NCAM2: variants seen among roughly 807,000 people sequenced by gnomAD.
NCAM2 encodes N-CAM-2.
Under a neutral mutation model 98.1 loss-of-function variants are expected in NCAM2, and 30 were observed. That is an observed-to-expected ratio of 0.31 (90% CI 0.23 to 0.41). The LOEUF is 0.41. NCAM2 is among the 10% of genes least tolerant of loss of function. The pLI is 1.00. For synonymous variants in NCAM2, 368 were observed against 342.4 expected (o/e 1.07, Z -0.83); for missense variants, 867 against 1,005.8 (o/e 0.86, Z 1.87).
At chr21:21,025,092 T>A (rs569646703) in intron 1 of NCAM2, among the ~76,000 whole-genome samples, 1 of 144,968 alleles carries the variant, frequency 6.9e-6, no homozygotes, top group East Asian at 2.0e-4. Flanking sequence ...GACTATAACT[T>A]TTTTTTTTTT....
intron 16 of NCAM2, among the ~76,000 whole-genome samples, chr21:21,519,519 G>A (rs1988896213): frequency 6.6e-6 from 1 of 151,948 alleles, no homozygotes; most frequent in Admixed American, 6.6e-5. Flanking sequence ...TGGTTGTGCA[G>A]ACAACCAGGT....
Position 21,543,288 on chromosome 21 carries a change from T to G in NCAM2, c.*5331T>G, listed in dbSNP as rs1360887585. 1.3e-5 allele frequency: 2 copies of G among 151,946 alleles called. No individual in the cohort carries two copies. The highest frequency in any genetic ancestry group is 2.1e-4 in the South Asian group (1 of 4,826). 9.4% of individuals were successfully genotyped at this position (151,946 alleles called of 1,614,324 possible). The stretch of plus-strand genomic sequence containing the variant: ...TTACAGTATATCAAACTTGTCACAC[T>G]TCACCATTTGTATATTAATAGTAAA... On this transcript the variant is annotated 3_prime_UTR_variant, in exon 18 of 18. Coordinates refer to ENST00000400546, the MANE Select transcript of NCAM2 (RefSeq NM_004540.5).
At chr21:21,380,212 C>T (rs895142327) in intron 9 of NCAM2, among the ~76,000 whole-genome samples, 2 of 152,146 alleles carry the variant, frequency 1.3e-5, no homozygotes, top group Non-Finnish European at 2.9e-5. Context: ...TTAACCATCA[C>T]AGTATTGTTT....
intron 15 of NCAM2, among the ~76,000 whole-genome samples, chr21:21,490,991 G>A (rs747121873): frequency 7.2e-5 from 11 of 151,740 alleles, no homozygotes; most frequent in South Asian, 2.1e-4. Context: ...TGTTATACGT[G>A]TTTTCTTTAT....
chr21:21,017,900 T>A (rs778366830), intron 1 of NCAM2, among the ~76,000 whole-genome samples: 4 of 152,214 alleles, frequency 2.6e-5, no homozygotes, highest in Non-Finnish European at 4.4e-5. Flanking sequence ...CACATACAGA[T>A]ATTACATATA....
At chr21:21,092,741 A>C (rs1233193065) in intron 1 of NCAM2, among the ~76,000 whole-genome samples, 1 of 152,034 alleles carries the variant, frequency 6.6e-6, no homozygotes, top group Non-Finnish European at 1.5e-5. Flanking sequence ...TAAATGTGAT[A>C]CATAATTACA....
In NCAM2 at chr21:21,286,429, C is replaced by T. The variant is rs376261398; in HGVS notation, c.481+17C>T. On this transcript the variant is annotated intron_variant, in intron 4 of 17. Coordinates refer to ENST00000400546, the MANE Select transcript of NCAM2 (RefSeq NM_004540.5). Reference sequence around the variant, plus strand: ...TTTCCGACAGTTAGTATTTTGGTAACTCCCTAAGTTATATGTTCTAATACT... The same window carrying T: ...TTTCCGACAGTTAGTATTTTGGTAATTCCCTAAGTTATATGTTCTAATACT... 5.0e-6 allele frequency: 8 copies of T among 1,609,370 alleles called. No individual in the cohort carries two copies. In the African/African-American group the frequency reaches 1.1e-4, roughly 22 times the overall value.
chr21:21,198,320 G>C (rs2069087379), intron 1 of NCAM2, among the ~76,000 whole-genome samples: 1 of 151,546 alleles, frequency 6.6e-6, no homozygotes, highest in Non-Finnish European at 1.5e-5. Flanking sequence ...GTAAGTATAA[G>C]TTTCTTTTTT....
At chr21:21,014,361 T>A (rs1601092467) in intron 1 of NCAM2, among the ~76,000 whole-genome samples, 1 of 150,738 alleles carries the variant, frequency 6.6e-6, no homozygotes, top group African/African-American at 2.4e-5. Context: ...GAGGCGGAGG[T>A]TGCAGTAGGC....
chr21:21,309,651 C>T (rs1316800427), intron 5 of NCAM2, among the ~76,000 whole-genome samples: 1 of 152,146 alleles, frequency 6.6e-6, no homozygotes. Context: ...TCAGGGAATC[C>T]TCACTTTGCC....
chr21:21,533,713 C>T (rs1195068298), intron 16 of NCAM2, among the ~76,000 whole-genome samples: 1 of 145,250 alleles, frequency 6.9e-6, no homozygotes, highest in Non-Finnish European at 1.5e-5. Context: ...CCCAATTCTT[C>T]TGTCTCACTT....
chr21:21,282,410 A>G (rs752101176), intron 2 of NCAM2, among the ~76,000 whole-genome samples: 2 of 151,890 alleles, frequency 1.3e-5, no homozygotes, highest in Non-Finnish European at 2.9e-5. Flanking sequence ...ATGTAAACTA[A>G]GTAAGCATTT....
chr21:21,002,142 T>G (rs183350355), intron 1 of NCAM2, among the ~76,000 whole-genome samples: 1 of 152,292 alleles, frequency 6.6e-6, no homozygotes, highest in East Asian at 1.9e-4. Flanking sequence ...TAATGTAAAT[T>G]AATATCTTTA....
chr21:21,159,242 T>TA (rs891192990), intron 1 of NCAM2, among the ~76,000 whole-genome samples: 1 of 152,084 alleles, frequency 6.6e-6, no homozygotes, highest in African/African-American at 2.4e-5. Context: ...AGTCAAATTT[T>TA]AAAAAATAAA....
chr21:21,029,350 G>A (rs1036453183), intron 1 of NCAM2, among the ~76,000 whole-genome samples: 1 of 152,114 alleles, frequency 6.6e-6, no homozygotes, highest in African/African-American at 2.4e-5. Context: ...TAAAATTCTT[G>A]GTTGTCATGT....
chr21:21,254,379 C>T (rs1254608182), intron 1 of NCAM2, among the ~76,000 whole-genome samples: 1 of 152,176 alleles, frequency 6.6e-6, no homozygotes, highest in Non-Finnish European at 1.5e-5. Context: ...TTTAATCACT[C>T]ATAACCCTGG....
chr21:21,071,755 G>A (rs1216734995), intron 1 of NCAM2, among the ~76,000 whole-genome samples: 1 of 152,064 alleles, frequency 6.6e-6, no homozygotes, highest in African/African-American at 2.4e-5. Flanking sequence ...AATTAAAATG[G>A]CATTTTAATA....
rs148780588 is a variant in NCAM2 at position 21,334,431 on chromosome 21, G to T, written c.738-1074G>T. ...GAACCAGAATTCACTGGAAGGAACT[G>T]CTTAGTGTATCAGAGAAATGTTTGA... On this transcript the variant is annotated intron_variant, in intron 6 of 17. Transcript: ENST00000400546. 3.9e-3 allele frequency among the ~76,000 whole-genome samples: 592 copies of T among 152,218 alleles called. 3 individuals are homozygous for T. The highest frequency in any genetic ancestry group is 5.4e-3 in the Admixed American group (83 of 15,276).
intron 15 of NCAM2, among the ~76,000 whole-genome samples, chr21:21,495,418 T>C (rs766113660): frequency 6.6e-6 from 1 of 152,034 alleles, no homozygotes; most frequent in Non-Finnish European, 1.5e-5. Context: ...GAGGGAAGAC[T>C]GGACAGACAT....
Sources: allele counts gnomAD v4.1 joint callset (sites outside exome capture counted in the v4.1 genomes callset), GRCh38; gene constraint gnomAD v4.1.1; transcripts MANE v1.5; gene names NCBI Gene and HGNC (gene_info 2026-07-23, HGNC 2026-07-21).